SLC39A11: variants seen among roughly 807,000 people sequenced by gnomAD.
SLC39A11 encodes solute carrier family 39 member 11, also known as zinc transporter ZIP11.
In SLC39A11, 33 loss-of-function variants were observed where a neutral mutation model predicts 36.1. The observed-to-expected ratio is 0.91, with a 90% CI of 0.69 to 1.22. SLC39A11 has a LOEUF of 1.22. SLC39A11 is among the 50% of genes most tolerant of loss of function. The pLI is 0.00. For synonymous variants in SLC39A11, 166 were observed against 170.3 expected (o/e 0.97, Z 0.20); for missense variants, 432 against 430.3 (o/e 1.00, Z -0.03).
rs2069617165 is a variant in SLC39A11, at chr17:72,647,649, G to C, written c.943C>G (p.Leu315Val). ...CCCAGGATGGAGGCCCAGGATGCCA[G>C]TTTCCCATTACCACTGGAAGAGAAG... ...PEAQISGNGK[L>V]ASWASILGFV... Residue 315 changes from leucine to valine, a missense_variant, in exon 10 of 10, where the codon CTG becomes GTG. Physicochemically the swap from Leu to Val is conservative, Grantham distance 32 (BLOSUM62 1). Coordinates refer to ENST00000255559, the MANE Select transcript of SLC39A11 (RefSeq NM_139177.4). The C allele has an allele frequency of 6.2e-7, 1 of 1,613,782 alleles. No individual in the cohort carries two copies. The highest frequency in any genetic ancestry group is 1.7e-5 in the Admixed American group (1 of 59,990).
At chr17:72,679,801 T>C (rs1314530140) in intron 7 of SLC39A11, among the ~76,000 whole-genome samples, 1 of 152,134 alleles carries the variant, frequency 6.6e-6, no homozygotes, top group Admixed American at 6.5e-5. Context: ...CCCAGCACTT[T>C]GGGAGGCCAA....
rs748202219 is a variant in SLC39A11 at position 73,082,124 on chromosome 17, AAG to A, written c.147+2682_147+2683del. On this transcript the variant is annotated intron_variant, in intron 3 of 9. Coordinates refer to ENST00000255559, the MANE Select transcript of SLC39A11 (RefSeq NM_139177.4). The stretch of plus-strand genomic sequence containing the variant: ...CCAAAACCTACTGAAACTAAAAAAA[AAG>A]AAAAAAAAAAAAAAAAGGGCAAAAA... 7.3e-4 allele frequency among the ~76,000 whole-genome samples: 108 copies of A among 148,406 alleles called. 40 individuals are homozygous for A. The highest frequency in any genetic ancestry group is 6.9e-3 in the Middle Eastern group (2 of 288).
intron 5 of SLC39A11, among the ~76,000 whole-genome samples, chr17:72,851,787 G>A (rs1339906853): frequency 6.6e-6 from 1 of 152,054 alleles, no homozygotes; most frequent in African/African-American, 2.4e-5. Flanking sequence ...TTTATTTCCT[G>A]CTTGAATTTC....
At chr17:72,649,088 T>C (rs2143831410) in intron 8 of SLC39A11, 82 bp downstream of exon 8, 2 of 1,552,008 alleles carry the variant, frequency 1.3e-6, no homozygotes, top group South Asian at 2.3e-5. Flanking sequence ...AGCATGGCAG[T>C]GCAAAAGCAC....
At chr17:72,973,469 G>A (rs778914497) in intron 4 of SLC39A11, among the ~76,000 whole-genome samples, 44 of 152,166 alleles carry the variant, frequency 2.9e-4, no homozygotes, top group Non-Finnish European at 5.3e-4. Context: ...TCCCTGGGCT[G>A]CAGGGGAGGC....
intron 7 of SLC39A11, among the ~76,000 whole-genome samples, chr17:72,680,650 C>T (rs148489641): frequency 2.0e-3 from 298 of 152,274 alleles, no homozygotes; most frequent in African/African-American, 6.7e-3. Context: ...TACCCAATGT[C>T]AGGTATGTCT....
At chr17:72,876,550 CCTTT>C (rs969798345) in intron 5 of SLC39A11, among the ~76,000 whole-genome samples, 37 of 152,260 alleles carry the variant, frequency 2.4e-4, no homozygotes, top group African/African-American at 8.7e-4. Flanking sequence ...TATCTGAGTT[CCTTT>C]CTCAGAAAAC....
At chr17:72,692,285 A>G (rs139322330) in intron 7 of SLC39A11, among the ~76,000 whole-genome samples, 2,696 of 152,304 alleles carry the variant, frequency 0.018, 81 homozygotes, top group African/African-American at 0.062. Context: ...GGCTCAGATT[A>G]CAGGCGTGGG....
At chr17:72,713,457 C>G (rs1359444543) in intron 7 of SLC39A11, among the ~76,000 whole-genome samples, 1 of 152,204 alleles carries the variant, frequency 6.6e-6, no homozygotes, top group Non-Finnish European at 1.5e-5. Context: ...CTGTCCTAGA[C>G]AAACCACATT....
At chr17:72,973,582 AGG>A (rs2087620561) in intron 4 of SLC39A11, among the ~76,000 whole-genome samples, 1 of 152,154 alleles carries the variant, frequency 6.6e-6, no homozygotes, top group South Asian at 2.1e-4. Flanking sequence ...TTTTTGAGAC[AGG>A]GTCTCACTCT....
intron 7 of SLC39A11, among the ~76,000 whole-genome samples, chr17:72,669,123 A>G (rs2144137211): frequency 6.6e-6 from 1 of 152,320 alleles, no homozygotes; most frequent in Middle Eastern, 3.4e-3. Flanking sequence ...TGGGATAACC[A>G]TATTGTAGTT....
chr17:72,963,734 T>C (rs1201717368), intron 4 of SLC39A11, among the ~76,000 whole-genome samples: 1 of 152,146 alleles, frequency 6.6e-6, no homozygotes, highest in Non-Finnish European at 1.5e-5. Context: ...TGACAACAAG[T>C]CATTATATAG....
At chr17:72,675,958 T>A (rs2071238523) in intron 7 of SLC39A11, among the ~76,000 whole-genome samples, 3 of 151,884 alleles carry the variant, frequency 2.0e-5, no homozygotes, top group Admixed American at 2.0e-4. Context: ...GGATGACAGG[T>A]GTGAGCCACT....
intron 5 of SLC39A11, among the ~76,000 whole-genome samples, chr17:72,893,657 G>A (rs944883131): frequency 6.6e-6 from 1 of 152,028 alleles, no homozygotes; most frequent in African/African-American, 2.4e-5. Flanking sequence ...GTTAGGGAGG[G>A]CCTTAATTTG....
chr17:72,822,432 G>A (rs973657069), intron 6 of SLC39A11, among the ~76,000 whole-genome samples: 6 of 150,602 alleles, frequency 4.0e-5, no homozygotes, highest in Admixed American at 6.6e-5. Context: ...CTAGACATAT[G>A]ACATATAAGA....
chr17:72,829,877 A>G (rs2078202873), intron 6 of SLC39A11, among the ~76,000 whole-genome samples: 1 of 152,062 alleles, frequency 6.6e-6, no homozygotes, highest in African/African-American at 2.4e-5. Context: ...CACTCAGCTG[A>G]AATGCCCCCG....
intron 4 of SLC39A11, among the ~76,000 whole-genome samples, chr17:72,993,653 C>T (rs1475221960): frequency 6.6e-6 from 1 of 152,224 alleles, no homozygotes; most frequent in East Asian, 1.9e-4. Context: ...TCTATATATT[C>T]ATGAGACTTG....
intron 7 of SLC39A11, among the ~76,000 whole-genome samples, chr17:72,732,415 T>C (rs2074271305): frequency 6.6e-6 from 1 of 152,216 alleles, no homozygotes; most frequent in East Asian, 1.9e-4. Context: ...GTCTCTTTCC[T>C]GTACAAAGAT....
At chr17:72,912,477 C>G (rs6501579) in intron 5 of SLC39A11, among the ~76,000 whole-genome samples, 1 of 150,718 alleles carries the variant, frequency 6.6e-6, no homozygotes, top group Non-Finnish European at 1.5e-5. Flanking sequence ...AGCCGCTACC[C>G]AGGCTGGAGT....
Sources: allele counts gnomAD v4.1 joint callset (sites outside exome capture counted in the v4.1 genomes callset), GRCh38; gene constraint gnomAD v4.1.1; transcripts MANE v1.5; gene names NCBI Gene and HGNC (gene_info 2026-07-23, HGNC 2026-07-21).